The following NR2E1 variants were observed in gnomAD, a reference collection of about 807,000 sequenced individuals.
The protein encoded by NR2E1 is nuclear receptor TLX.
In NR2E1, 5 loss-of-function variants were observed where a neutral mutation model predicts 43.6. The observed-to-expected ratio is 0.11, with a 90% CI of 0.06 to 0.24. The LOEUF (loss-of-function observed/expected upper bound fraction) is 0.24. NR2E1 is among the 10% of genes least tolerant of loss of function. The pLI is 1.00. For missense variants in NR2E1, 287 were observed against 496.7 expected, an observed-to-expected ratio of 0.58 and a Z score of 4.01; for synonymous variants, 191 against 195.5, an observed-to-expected ratio of 0.98 and a Z score of 0.19.
chr6:108,177,425 C>A (rs1195325841), intron 4 of NR2E1, among the ~76,000 whole-genome samples: 1 of 152,218 alleles, frequency 6.6e-6, no homozygotes, highest in East Asian at 1.9e-4. Context: ...CTGATACCTA[C>A]TAACACCCCC....
intron 2 of NR2E1, among the ~76,000 whole-genome samples, chr6:108,172,430 T>C (rs1582443072): frequency 6.6e-6 from 1 of 152,236 alleles, no homozygotes; most frequent in East Asian, 1.9e-4. Context: ...GGGCTGAATA[T>C]GAGCCAAAGC....
In NR2E1 at chr6:108,174,890, A is replaced by C; in HGVS notation, c.226A>C (p.Lys76Gln). 1 of 1,614,162 alleles carries C rather than the reference A, an allele frequency of 6.2e-7. No homozygotes were observed. The highest frequency in any genetic ancestry group is 1.1e-5 in the South Asian group (1 of 91,082). ...AAACCAGTGCAGGGCGTGTCGGCTG[A>C]AGAAGTGTTTGGAAGTCAACATGAA... ...HRNQCRACRL[K>Q]KCLEVNMNKD... Residue 76 changes from lysine to glutamine, a missense_variant, in exon 3 of 9, where the codon AAG (lysine) becomes CAG (glutamine). Coordinates refer to ENST00000368986, the MANE Select transcript of NR2E1 (RefSeq NM_003269.5).
chr6:108,179,059 TA>T (rs1164724474), intron 5 of NR2E1: 3 of 152,308 alleles, frequency 2.0e-5, no homozygotes, highest in Non-Finnish European at 4.4e-5. Context: ...TAAGTAGTTC[TA>T]AAAGCAAAGG....
chr6:108,181,046 A>C, intron 7 of NR2E1, 90 bp downstream of exon 7: 2 of 1,365,940 alleles, frequency 1.5e-6, no homozygotes, highest in East Asian at 2.3e-5. Context: ...TGACCTTTGC[A>C]AAAAGAGGTG....
At chr6:108,182,747 C>T (rs543716640) in intron 8 of NR2E1, among the ~76,000 whole-genome samples, 99 of 152,078 alleles carry the variant, frequency 6.5e-4, no homozygotes, top group African/African-American at 2.0e-3. Flanking sequence ...TCAGTAGAGA[C>T]GGGGTTTCAC....
At position 108,187,710 on chromosome 6, in the gene NR2E1, C is replaced by A. The variant is rs964716915; in HGVS notation, c.*247C>A. On this transcript the variant is annotated 3_prime_UTR_variant, in exon 9 of 9. Coordinates refer to ENST00000368986, the MANE Select transcript of NR2E1 (RefSeq NM_003269.5). ...GCACTGAAAACTCACTGCTGCCATG[C>A]CCTGGGAGGGGGCAAACTGGGGGTT... The A allele has an allele frequency of 6.2e-6, 3 of 483,074 alleles. No individual in the cohort carries two copies. The highest frequency in any genetic ancestry group is 3.9e-5 in the African/African-American group (2 of 51,244). The allele number at this position is 483,074 out of a possible 1,614,324, so 29.9% of individuals were successfully genotyped here.
At chr6:108,170,758 C>A (rs1451550630) in intron 1 of NR2E1, among the ~76,000 whole-genome samples, 1 of 152,094 alleles carries the variant, frequency 6.6e-6, no homozygotes, top group Non-Finnish European at 1.5e-5. Context: ...CGACAACTTG[C>A]GTCGCTCCCC....
At chr6:108,178,619 G>A (rs1562405309) in intron 5 of NR2E1, among the ~76,000 whole-genome samples, 1 of 152,224 alleles carries the variant, frequency 6.6e-6, no homozygotes. Flanking sequence ...GAGAGAAGTA[G>A]AAGGTGGTAA....
intron 7 of NR2E1, among the ~76,000 whole-genome samples, chr6:108,181,192 T>G (rs1358934932): frequency 6.6e-6 from 1 of 152,176 alleles, no homozygotes; most frequent in East Asian, 1.9e-4. Flanking sequence ...TCTTTTTTTT[T>G]ATTTTTTAAA....
intron 2 of NR2E1, among the ~76,000 whole-genome samples, 162 bp downstream of exon 2, chr6:108,171,765 T>C (rs1228000066): frequency 2.0e-5 from 3 of 152,112 alleles, no homozygotes; most frequent in Non-Finnish European, 4.4e-5. Flanking sequence ...TGGAGGCCCT[T>C]TGGCTGGGGA....
At chr6:108,187,259 T>C in intron 8 of NR2E1, 42 bp from the exon 9 acceptor site, 2 of 1,611,702 alleles carry the variant, frequency 1.2e-6, no homozygotes, top group African/African-American at 1.3e-5. Context: ...TTTCCATAAG[T>C]AATGGCCTCT....
chr6:108,169,205 C>T lies in NR2E1; in HGVS notation c.26-2253C>T, dbSNP rs1010377440. Among the ~76,000 whole-genome samples, 1 of 152,158 alleles carries T rather than the reference C, an allele frequency of 6.6e-6. No homozygotes were observed. The highest frequency in any genetic ancestry group is 1.5e-5 in the Non-Finnish European group (1 of 68,024). ...AATTTTCGCGTCCCTCCCTCCTGGG[C>T]CCCGCCCCAGCCCGGTTGCCTGTTT... On this transcript the variant is annotated intron_variant, in intron 1 of 8. Transcript: ENST00000368986. The surrounding 1 kb of genome is among the most constrained non-coding windows in gnomAD (Gnocchi z 6.1).
chr6:108,181,047 A>G (rs1364538926), intron 7 of NR2E1, 91 bp downstream of exon 7: 2 of 1,357,994 alleles, frequency 1.5e-6, no homozygotes, highest in African/African-American at 2.9e-5. Context: ...GACCTTTGCA[A>G]AAAGAGGTGA....
intron 2 of NR2E1, among the ~76,000 whole-genome samples, chr6:108,172,429 A>G (rs1178215304): frequency 2.6e-5 from 4 of 152,240 alleles, no homozygotes; most frequent in Non-Finnish European, 5.9e-5. Flanking sequence ...TGGGCTGAAT[A>G]TGAGCCAAAG....
intron 8 of NR2E1, among the ~76,000 whole-genome samples, chr6:108,185,235 A>G (rs886675689): frequency 5.3e-5 from 8 of 152,230 alleles, no homozygotes; most frequent in Admixed American, 2.6e-4. Context: ...ACTATATTCT[A>G]TAACTGAAGA....
At chr6:108,176,206 G>C (rs1423883985) in intron 3 of NR2E1, 3 of 457,298 alleles carry the variant, frequency 6.6e-6, no homozygotes, top group African/African-American at 5.9e-5. Context: ...CCCTGGTGGG[G>C]AGGAGCCCTG....
chr6:108,186,466 G>C (rs776398896), intron 8 of NR2E1, among the ~76,000 whole-genome samples: 1 of 152,156 alleles, frequency 6.6e-6, no homozygotes, highest in Admixed American at 6.5e-5. Context: ...TTGTGGCCTG[G>C]GTTGAACCCA....
At chr6:108,176,953 G>T (rs991000448) in intron 4 of NR2E1, among the ~76,000 whole-genome samples, 3 of 152,178 alleles carry the variant, frequency 2.0e-5, no homozygotes, top group African/African-American at 7.2e-5. Flanking sequence ...CCTCCGAGTG[G>T]CTACAAGTGT....
At position 108,180,975 on chromosome 6, in the gene NR2E1, C is replaced by T; in HGVS notation, c.889+19C>T. On this transcript the variant is annotated intron_variant, in intron 7 of 8. Transcript: ENST00000368986. This position sits in a 1 kb window ranked among gnomAD's most constrained non-coding sequence, Gnocchi z 5.4. ...AAAGCCGGTAAGCAGACACAGACCCCTGTTTCTTCTCCTTCCCCAGTTTTG... is the reference window on the plus strand; with the variant it reads ...AAAGCCGGTAAGCAGACACAGACCCTTGTTTCTTCTCCTTCCCCAGTTTTG... 3 of 1,613,976 alleles carry T rather than the reference C, an allele frequency of 1.9e-6. No homozygotes were observed. Among genetic ancestry groups the T allele is most frequent in the South Asian group, 1.1e-5 (1 of 91,068 alleles).
Sources: gnomAD v4.1 joint callset for allele counts (sites outside exome capture counted in the v4.1 genomes callset) on GRCh38, gnomAD v4.1.1 for gene constraint, Gnocchi (gnomAD v3.1) non-coding constraint, MANE v1.5 for transcripts, NCBI Gene and HGNC (gene_info 2026-07-23, HGNC 2026-07-21) for gene names.